The following AGBL4 variants were observed in gnomAD, a reference collection of about 807,000 sequenced individuals.
The protein encoded by AGBL4 is cytosolic carboxypeptidase 6.
Under a neutral mutation model 66.4 loss-of-function variants are expected in AGBL4, and 58 were observed. That is an observed-to-expected ratio of 0.87 (90% CI 0.71 to 1.09). AGBL4 has a LOEUF of 1.09. Among genes scored for constraint, AGBL4 ranks in the 50% least tolerant of loss-of-function variants. The probability of loss-of-function intolerance (pLI) is 0.00; values close to 1 mark genes in which losing one functional copy is unlikely to be tolerated. For synonymous variants in AGBL4, 234 were observed against 222.9 expected, an observed-to-expected ratio of 1.05 and a Z score of -0.44; for missense variants, 579 against 631.0, an observed-to-expected ratio of 0.92 and a Z score of 0.88.
intron 6 of AGBL4, among the ~76,000 whole-genome samples, chr1:48,792,638 G>A (rs1645578261): frequency 6.6e-6 from 1 of 152,120 alleles, no homozygotes; most frequent in African/African-American, 2.4e-5. Context: ...AGCTGGGGAA[G>A]GTTTTCTAAA....
At chr1:49,658,286 TG>T (rs1411341114) in intron 3 of AGBL4, among the ~76,000 whole-genome samples, 3 of 152,058 alleles carry the variant, frequency 2.0e-5, no homozygotes, top group African/African-American at 7.3e-5. Context: ...ATCAGAGAAA[TG>T]CAAATCAAAA....
In AGBL4 at chr1:49,451,617, C is replaced by T. The variant is rs1384917628; in HGVS notation, c.283-205753G>A. ...ATGAAGTCCTTTTTGACCACCCCACCTGCAAACCCTGGTAGGAATAATTAT... is the reference window on the plus strand; with the variant it reads ...ATGAAGTCCTTTTTGACCACCCCACTTGCAAACCCTGGTAGGAATAATTAT... On this transcript the variant is annotated intron_variant, in intron 3 of 13. Transcript: ENST00000371839. Among the ~76,000 whole-genome samples, 3 of 152,056 alleles carry T rather than the reference C, an allele frequency of 2.0e-5. No homozygotes were observed. The East Asian group carries it at 5.8e-4, about 30-fold the overall frequency.
At chr1:49,012,676 T>C (rs941069590) in intron 5 of AGBL4, among the ~76,000 whole-genome samples, 10 of 152,212 alleles carry the variant, frequency 6.6e-5, no homozygotes, top group Non-Finnish European at 1.2e-4. Flanking sequence ...AATTCTACCA[T>C]TCTATTTGCT....
rs1046549858 is a variant in AGBL4 at position 48,736,184 on chromosome 1, C to T, written c.635-72943G>A. ...TGAATTGAATTGTGCCTAACACATT[C>T]TTGACAGAGTAAAAGACAGAATCCC... On this transcript the variant is annotated intron_variant, in intron 6 of 13. Transcript: ENST00000371839. This position sits in a 1 kb window ranked among gnomAD's most constrained non-coding sequence, Gnocchi z 4.0. 6.4e-7 allele frequency: 1 copy of T among 1,550,544 alleles called. No individual in the cohort carries two copies. Among genetic ancestry groups the T allele is most frequent in the African/African-American group, 1.4e-5 (1 of 73,372 alleles).
chr1:49,911,071 T>C (rs1254584490), intron 1 of AGBL4, among the ~76,000 whole-genome samples: 1 of 152,290 alleles, frequency 6.6e-6, no homozygotes, highest in Non-Finnish European at 1.5e-5. Flanking sequence ...GAAGGGAGGT[T>C]CAGAGTTGAG....
intron 9 of AGBL4, among the ~76,000 whole-genome samples, chr1:48,609,493 C>T (rs1310522997): frequency 1.3e-5 from 2 of 152,196 alleles, no homozygotes; most frequent in Middle Eastern, 3.2e-3. Flanking sequence ...ACCATCACAG[C>T]TCACTGCAGC....
chr1:49,893,823 T>A (rs759090838), intron 1 of AGBL4, among the ~76,000 whole-genome samples: 57 of 152,314 alleles, frequency 3.7e-4, no homozygotes, highest in Non-Finnish European at 7.1e-4. Context: ...GAACACAAGC[T>A]GGGCTGGTTT....
chr1:49,074,469 T>C (rs1644672771), intron 4 of AGBL4, among the ~76,000 whole-genome samples: 1 of 152,188 alleles, frequency 6.6e-6, no homozygotes, highest in African/African-American at 2.4e-5. Context: ...ACCTGTCTTC[T>C]GCATCAATCT....
intron 5 of AGBL4, among the ~76,000 whole-genome samples, chr1:48,941,637 G>C (rs1655983965): frequency 6.6e-6 from 1 of 152,176 alleles, no homozygotes; most frequent in Admixed American, 6.5e-5. Context: ...TTCCTGCTAT[G>C]ACAGGTAAGG....
In AGBL4 at chr1:49,851,478, C is replaced by T; in HGVS notation, c.75G>A (p.Val25=). ...CAGTTGGAAGCACTATATATTTGCT[C>T]ACATTCCCTCCAATGGCATCATCAT... The part of the protein sequence containing the change: ...MGNDDAIGGN[V]SKYIVLPTGY... Residue 25 remains valine, a synonymous_variant, in exon 2 of 14, where the codon GTG becomes GTA. Transcript: ENST00000371839. The T allele has an allele frequency of 5.2e-6, 8 of 1,550,186 alleles. No homozygotes were observed. Among genetic ancestry groups the T allele is most frequent in the African/African-American group, 4.1e-5 (3 of 73,106 alleles).
chr1:49,356,452 C>A (rs961225533), intron 3 of AGBL4, among the ~76,000 whole-genome samples: 1 of 152,164 alleles, frequency 6.6e-6, no homozygotes, highest in Non-Finnish European at 1.5e-5. Context: ...TTTCCTAAAG[C>A]AGATTAATGT....
At chr1:49,278,512 A>G (rs927538202) in intron 3 of AGBL4, among the ~76,000 whole-genome samples, 1 of 152,182 alleles carries the variant, frequency 6.6e-6, no homozygotes, top group Admixed American at 6.5e-5. Flanking sequence ...TCAAGTCATC[A>G]GGTACTGTCA....
intron 4 of AGBL4, among the ~76,000 whole-genome samples, chr1:49,111,366 C>T (rs536061520): frequency 6.0e-4 from 91 of 152,318 alleles, no homozygotes; most frequent in Non-Finnish European, 1.1e-3. Context: ...CCCGCCTTGG[C>T]CTCCCAGATT....
intron 5 of AGBL4, among the ~76,000 whole-genome samples, chr1:49,005,768 C>T (rs1020677684): frequency 5.9e-5 from 9 of 151,982 alleles, no homozygotes; most frequent in South Asian, 2.1e-4. Flanking sequence ...TTTGGGAGGC[C>T]GAGGCAGGTG....
chr1:49,690,297 C>T (rs79823794), intron 3 of AGBL4, among the ~76,000 whole-genome samples: 4,188 of 152,200 alleles, frequency 0.028, 163 homozygotes, highest in African/African-American at 0.095. Context: ...GCTATGATCT[C>T]GAACCAAACC....
intron 3 of AGBL4, among the ~76,000 whole-genome samples, chr1:49,690,094 G>T (rs1297681835): frequency 6.6e-6 from 1 of 152,168 alleles, no homozygotes; most frequent in Non-Finnish European, 1.5e-5. Context: ...CAGCCAAAAA[G>T]ATTAAGACTC....
chr1:49,479,448 C>T (rs1473924354), intron 3 of AGBL4, among the ~76,000 whole-genome samples: 2 of 151,952 alleles, frequency 1.3e-5, no homozygotes, highest in East Asian at 3.9e-4. Context: ...TGCTTCCCTA[C>T]TTCCTCCCAC....
chr1:48,601,637 A>G (rs1435001158), intron 9 of AGBL4, among the ~76,000 whole-genome samples: 4 of 152,168 alleles, frequency 2.6e-5, no homozygotes, highest in Non-Finnish European at 5.9e-5. Context: ...ACAGTTATAA[A>G]CCATTTTCAC....
chr1:49,317,101 A>G (rs900255371), intron 3 of AGBL4, among the ~76,000 whole-genome samples: 1 of 151,932 alleles, frequency 6.6e-6, no homozygotes, highest in Admixed American at 6.6e-5. Flanking sequence ...GAGAGAAACA[A>G]AAAAGTAAAA....
Sources: gnomAD v4.1 joint callset for allele counts (sites outside exome capture counted in the v4.1 genomes callset) on GRCh38, gnomAD v4.1.1 for gene constraint, Gnocchi (gnomAD v3.1) non-coding constraint, MANE v1.5 for transcripts, NCBI Gene and HGNC (gene_info 2026-07-23, HGNC 2026-07-21) for gene names.